MARCHF1: variants seen among roughly 807,000 people sequenced by gnomAD.
The protein encoded by MARCHF1 is E3 ubiquitin-protein ligase MARCHF1.
MARCHF1 carries 40 observed loss-of-function variants against 54.2 expected under a neutral mutation model. That is an observed-to-expected ratio of 0.74 (90% CI 0.57 to 0.96). MARCHF1 has a LOEUF of 0.96. MARCHF1 is among the 40% of genes least tolerant of loss of function. The pLI, the probability that MARCHF1 is intolerant of heterozygous loss-of-function variation, is 0.00. For synonymous variants in MARCHF1, 236 were observed against 236.3 expected (o/e 1.00, Z 0.01); for missense variants, 586 against 656.5 (o/e 0.89, Z 1.17).
At chr4:163,694,092 C>T (rs552412586) in intron 5 of MARCHF1, among the ~76,000 whole-genome samples, 1 of 152,250 alleles carries the variant, frequency 6.6e-6, no homozygotes, top group Admixed American at 6.5e-5. Context: ...TAGTGAGAGC[C>T]CATTCGGCTA....
At chr4:164,128,912 G>A (rs376251251) in intron 1 of MARCHF1, among the ~76,000 whole-genome samples, 5 of 152,116 alleles carry the variant, frequency 3.3e-5, no homozygotes, top group African/African-American at 1.2e-4. Flanking sequence ...AACACCCCAA[G>A]AGGTAGGCTC....
intron 1 of MARCHF1, among the ~76,000 whole-genome samples, chr4:164,230,202 C>A (rs893345229): frequency 6.6e-6 from 1 of 152,054 alleles, no homozygotes; most frequent in African/African-American, 2.4e-5. Context: ...TTGAGACCAG[C>A]CTGACCAATA....
At chr4:163,655,255 C>A (rs906071495) in intron 5 of MARCHF1, among the ~76,000 whole-genome samples, 1 of 151,578 alleles carries the variant, frequency 6.6e-6, no homozygotes, top group Non-Finnish European at 1.5e-5. Context: ...CATGACATTT[C>A]GTACTTAATT....
At chr4:164,377,591 GCA>G (rs56204290) in intron 1 of MARCHF1, among the ~76,000 whole-genome samples, 1,767 of 149,338 alleles carry the variant, frequency 0.012, 24 homozygotes, top group African/African-American at 0.034. Flanking sequence ...TACTTTTTAT[GCA>G]CACACACACA....
chr4:163,832,720 C>T (rs1447997485), intron 4 of MARCHF1, among the ~76,000 whole-genome samples: 1 of 149,050 alleles, frequency 6.7e-6, no homozygotes. Flanking sequence ...GGTATATCTC[C>T]TAATGCTATC....
At chr4:163,834,611 C>A (rs1469929472) in intron 4 of MARCHF1, among the ~76,000 whole-genome samples, 1 of 117,378 alleles carries the variant, frequency 8.5e-6, no homozygotes, top group Admixed American at 1.1e-4. Flanking sequence ...CCTCCCCCCA[C>A]CCCACAACAG....
At chr4:164,271,006 G>A (rs940711652) in intron 1 of MARCHF1, among the ~76,000 whole-genome samples, 2 of 152,070 alleles carry the variant, frequency 1.3e-5, no homozygotes, top group Non-Finnish European at 2.9e-5. Context: ...TAATTCATGA[G>A]TAGAAAAATA....
chr4:163,717,766 C>G (rs935170918), intron 4 of MARCHF1, among the ~76,000 whole-genome samples: 1 of 152,104 alleles, frequency 6.6e-6, no homozygotes, highest in African/African-American at 2.4e-5. Context: ...AGCATTTTTT[C>G]ATGTGTCTGT....
chr4:164,199,631 G>GTCTC (rs1452646305), intron 1 of MARCHF1, among the ~76,000 whole-genome samples: 19 of 97,962 alleles, frequency 1.9e-4, no homozygotes, highest in African/African-American at 7.8e-4. Context: ...GCAGGACTCT[G>GTCTC]TCACACACAC....
At chr4:164,347,154 T>TG (rs1401402285) in intron 1 of MARCHF1, among the ~76,000 whole-genome samples, 1 of 151,946 alleles carries the variant, frequency 6.6e-6, no homozygotes, top group Admixed American at 6.6e-5. Context: ...AAAGAACATG[T>TG]GAAAAAAAAA....
intron 2 of MARCHF1, among the ~76,000 whole-genome samples, chr4:164,037,984 G>C (rs1197538035): frequency 6.6e-6 from 1 of 152,166 alleles, no homozygotes; most frequent in Non-Finnish European, 1.5e-5. Context: ...AGGAGATGGT[G>C]GTGGGAAAGA....
At chr4:163,956,360 C>T (rs1752233457) in intron 3 of MARCHF1, among the ~76,000 whole-genome samples, 1 of 152,054 alleles carries the variant, frequency 6.6e-6, no homozygotes, top group African/African-American at 2.4e-5. Flanking sequence ...AATAATAGGA[C>T]ATATGATGAC....
chr4:164,061,452 A>G (rs1754612856), intron 2 of MARCHF1, among the ~76,000 whole-genome samples: 1 of 146,194 alleles, frequency 6.8e-6, no homozygotes, highest in South Asian at 2.2e-4. Context: ...CTCAGTGTAT[A>G]TAAAAGTTAT....
intron 7 of MARCHF1, among the ~76,000 whole-genome samples, chr4:163,589,574 T>TA (rs1465892142): frequency 6.6e-6 from 1 of 151,922 alleles, no homozygotes; most frequent in Non-Finnish European, 1.5e-5. Context: ...CTACTAGAAA[T>TA]AAAAAATAAT....
chr4:164,157,542 T>G (rs181529138), intron 1 of MARCHF1, among the ~76,000 whole-genome samples: 2 of 152,284 alleles, frequency 1.3e-5, no homozygotes, highest in East Asian at 3.9e-4. Context: ...ACATGCTGTT[T>G]TGCAGTTCTG....
intron 4 of MARCHF1, among the ~76,000 whole-genome samples, chr4:163,736,116 T>C (rs1746027491): frequency 6.6e-6 from 1 of 152,206 alleles, no homozygotes; most frequent in African/African-American, 2.4e-5. Flanking sequence ...TTAGCATATA[T>C]ATGTTTTAAA....
chr4:164,197,490 C>T (rs1290898786), intron 1 of MARCHF1: 3 of 1,613,594 alleles, frequency 1.9e-6, no homozygotes, highest in Non-Finnish European at 1.7e-6. Flanking sequence ...CTTCCAGGCC[C>T]CCTGAGACTC....
At chr4:163,828,014 TACAC>T (rs748460236) in intron 4 of MARCHF1, among the ~76,000 whole-genome samples, 34,463 of 124,398 alleles carry the variant, frequency 0.28, 4,200 homozygotes, top group Middle Eastern at 0.38. Flanking sequence ...TGCGCAGGCA[TACAC>T]ACACACACAC....
At chr4:164,045,385 G>C (rs1001857645) in intron 2 of MARCHF1, among the ~76,000 whole-genome samples, 1 of 151,892 alleles carries the variant, frequency 6.6e-6, no homozygotes, top group Non-Finnish European at 1.5e-5. Context: ...GGTGGTAGTT[G>C]TCTGTAATCC....
Sources: allele counts gnomAD v4.1 joint callset (sites outside exome capture counted in the v4.1 genomes callset), GRCh38; gene constraint gnomAD v4.1.1; transcripts MANE v1.5; gene names NCBI Gene and HGNC (gene_info 2026-07-23, HGNC 2026-07-21).